Variants in IWS1 observed in about 807,000 individuals in gnomAD.
The protein encoded by IWS1 is protein IWS1 homolog.
Under a neutral mutation model 86.7 loss-of-function variants are expected in IWS1, and 27 were observed. The ratio of observed to expected loss-of-function variants is 0.31; its 90% CI spans 0.23 to 0.43. IWS1 has a LOEUF of 0.43. IWS1 is among the 20% of genes least tolerant of loss of function. The probability of loss-of-function intolerance (pLI) is 1.00; values close to 1 mark genes in which losing one functional copy is unlikely to be tolerated. For missense variants in IWS1, 827 were observed against 1,000.8 expected, an observed-to-expected ratio of 0.83 and a Z score of 2.34; for synonymous variants, 313 against 335.1, an observed-to-expected ratio of 0.93 and a Z score of 0.72.
intron 13 of IWS1, chr2:127,484,755 T>C (rs936497872): frequency 1.3e-5 from 2 of 152,174 alleles, no homozygotes; most frequent in African/African-American, 4.8e-5. Flanking sequence ...GTAATCCCTT[T>C]GGGAGGCCGA....
At chr2:127,523,055 CA>C (rs1436319284) in intron 2 of IWS1, among the ~76,000 whole-genome samples, 1 of 152,014 alleles carries the variant, frequency 6.6e-6, no homozygotes, top group Non-Finnish European at 1.5e-5. Flanking sequence ...ACCAAGAAAA[CA>C]AAAATAGCTG....
chr2:127,496,878 A>G (rs1690539718), intron 6 of IWS1, among the ~76,000 whole-genome samples: 1 of 152,168 alleles, frequency 6.6e-6, no homozygotes. Context: ...ACGTCCAACT[A>G]TATTGTATTT....
At chr2:127,501,267 A>C (rs1315278001) in intron 5 of IWS1, among the ~76,000 whole-genome samples, 1 of 152,118 alleles carries the variant, frequency 6.6e-6, no homozygotes, top group Non-Finnish European at 1.5e-5. Flanking sequence ...CTAGGTTTGC[A>C]GTTAGTAGAT....
chr2:127,514,538 C>T (rs1038168643), intron 2 of IWS1: 3 of 152,426 alleles, frequency 2.0e-5, no homozygotes, highest in Non-Finnish European at 4.4e-5. Flanking sequence ...CCCTGCTCAC[C>T]AAGCCCTTGG....
At chr2:127,484,123 G>A (rs1689802678) in intron 13 of IWS1, among the ~76,000 whole-genome samples, 1 of 152,010 alleles carries the variant, frequency 6.6e-6, no homozygotes, top group Admixed American at 6.6e-5. Flanking sequence ...GGCTAACACA[G>A]TGAAACCCCA....
At chr2:127,517,284 A>C (rs949727849) in intron 2 of IWS1, among the ~76,000 whole-genome samples, 1 of 152,242 alleles carries the variant, frequency 6.6e-6, no homozygotes, top group Admixed American at 6.5e-5. Flanking sequence ...CGAGACCCAG[A>C]TTGGCTAAAA....
chr2:127,486,594 C>T lies in IWS1; in HGVS notation c.2287G>A (p.Val763Ile). 1 of 1,614,146 alleles carries T rather than the reference C, an allele frequency of 6.2e-7. No homozygotes were observed. Among genetic ancestry groups the T allele is most frequent in the Non-Finnish European group, 8.5e-7 (1 of 1,179,982 alleles). The change falls in exon 13 of 14, where the codon GTT becomes ATT. Residue 763 changes from valine to isoleucine, a missense_variant. Val to Ile is a conservative substitution (Grantham distance 29). Transcript: ENST00000295321. ...TCCACATTCCATTTGGGCCTGACAA[C>T]ATAGTCCTTGTTTGAAGGCATTGGG... The part of the protein sequence containing the change: ...RVPMPSNKDY[V>I]VRPKWNVEME...
At chr2:127,482,131 T>C in intron 13 of IWS1, 1 of 152,202 alleles carries the variant, frequency 6.6e-6, no homozygotes, top group Non-Finnish European at 1.5e-5. Context: ...TTTCTAATTC[T>C]TCTCCCCATA....
In IWS1 at chr2:127,499,359, G is replaced by A. The variant is rs1022394045; in HGVS notation, c.1468-1122C>T. ...CCCACCTCGGCCTCCCAAAGTGCTGGGATTACAGGCGTGAGCCACCGCGCC... is the reference window on the plus strand; with the variant it reads ...CCCACCTCGGCCTCCCAAAGTGCTGAGATTACAGGCGTGAGCCACCGCGCC... On this transcript the variant is annotated intron_variant, in intron 5 of 13. Transcript: ENST00000295321. This position sits in a 1 kb window ranked among gnomAD's most constrained non-coding sequence, Gnocchi z 4.0. Among the ~76,000 whole-genome samples the A allele has an allele frequency of 1.3e-5, 2 of 152,040 alleles. No homozygotes were observed. The highest frequency in any genetic ancestry group is 4.8e-5 in the African/African-American group (2 of 41,398).
intron 2 of IWS1, among the ~76,000 whole-genome samples, chr2:127,518,875 C>T (rs143838379): frequency 4.6e-5 from 7 of 152,146 alleles, no homozygotes; most frequent in African/African-American, 1.7e-4. Flanking sequence ...CGGCCCAAGA[C>T]AGGTGATCTT....
chr2:127,494,219 C>A (rs1032944624), intron 8 of IWS1, among the ~76,000 whole-genome samples: 1 of 124,022 alleles, frequency 8.1e-6, no homozygotes, highest in South Asian at 2.5e-4. Flanking sequence ...CCAGCCTGGG[C>A]AACACAGCGA....
rs556778656 is a variant in IWS1 at position 127,520,948 on chromosome 2, C to G, written c.150+2728G>C. Among the ~76,000 whole-genome samples the G allele has an allele frequency of 1.2e-4, 19 of 152,306 alleles. 1 individual carries two copies. Among genetic ancestry groups the G allele is most frequent in the Middle Eastern group, 3.4e-3 (1 of 294 alleles). ...GTGGGGAAACACTTAAAAGTATCAT[C>G]TTAAGTGAAGAGATAAAAAATAATA... On this transcript the variant is annotated intron_variant, in intron 2 of 13. Coordinates refer to ENST00000295321, the MANE Select transcript of IWS1 (RefSeq NM_017969.3).
intron 2 of IWS1, among the ~76,000 whole-genome samples, chr2:127,523,206 T>C (rs1374605462): frequency 6.6e-6 from 1 of 151,346 alleles, no homozygotes; most frequent in Non-Finnish European, 1.5e-5. Context: ...TCAGACCCTG[T>C]CTCAAAAAAA....
At chr2:127,518,385 G>C (rs1018418665) in intron 2 of IWS1, among the ~76,000 whole-genome samples, 1 of 152,000 alleles carries the variant, frequency 6.6e-6, no homozygotes, top group African/African-American at 2.4e-5. Flanking sequence ...GCATACTGGC[G>C]CATGCCTGTG....
intron 2 of IWS1, among the ~76,000 whole-genome samples, chr2:127,508,510 T>C (rs1394539607): frequency 6.6e-6 from 1 of 152,222 alleles, no homozygotes; most frequent in Non-Finnish European, 1.5e-5. Context: ...CTCTCCATGA[T>C]ATATCCATCA....
chr2:127,514,587 G>A (rs1691668244), intron 2 of IWS1: 1 of 152,336 alleles, frequency 6.6e-6, no homozygotes, highest in Non-Finnish European at 1.5e-5. Context: ...GGGCTCTGCA[G>A]TTCCTGGCAT....
At chr2:127,522,508 T>C (rs1270686555) in intron 2 of IWS1, among the ~76,000 whole-genome samples, 1 of 152,222 alleles carries the variant, frequency 6.6e-6, no homozygotes, top group African/African-American at 2.4e-5. Flanking sequence ...TAGTCACTGA[T>C]AAGTCCAAAG....
intron 6 of IWS1, among the ~76,000 whole-genome samples, chr2:127,496,824 T>G (rs149207409): frequency 0.019 from 2,953 of 152,258 alleles, 102 homozygotes; most frequent in African/African-American, 0.068. Flanking sequence ...GTGATCCCCC[T>G]GCCTCAGCCT....
chr2:127,486,148 T>C (rs896170711), intron 13 of IWS1: 2 of 175,128 alleles, frequency 1.1e-5, no homozygotes, highest in African/African-American at 2.4e-5. Flanking sequence ...TCATTTGCAA[T>C]GGAATTGCTT....
Sources: gnomAD v4.1 joint callset for allele counts (sites outside exome capture counted in the v4.1 genomes callset) on GRCh38, gnomAD v4.1.1 for gene constraint, Gnocchi (gnomAD v3.1) non-coding constraint, MANE v1.5 for transcripts, NCBI Gene and HGNC (gene_info 2026-07-23, HGNC 2026-07-21) for gene names.